The following ASAP3 variants were observed in gnomAD, a reference collection of about 807,000 sequenced individuals.
ASAP3 encodes ArfGAP with SH3 domain, ankyrin repeat and PH domain 3.
In ASAP3, 85 loss-of-function variants were observed where a neutral mutation model predicts 118.2. That is an observed-to-expected ratio of 0.72 (90% CI 0.60 to 0.86). The LOEUF (loss-of-function observed/expected upper bound fraction) is 0.86. ASAP3 is among the 40% of genes least tolerant of loss of function. The pLI, the probability that ASAP3 is intolerant of heterozygous loss-of-function variation, is 0.00. For missense variants in ASAP3, 1,026 were observed against 1,175.0 expected (o/e 0.87, Z 1.85); for synonymous variants, 432 against 477.4 (o/e 0.90, Z 1.24).
At chr1:23,484,378 C>T (rs1254215669), upstream of ASAP3, 2 of 307,146 alleles carry the variant, frequency 6.5e-6, no homozygotes, top group Non-Finnish European at 5.6e-6. Context: ...CCCCGCACCG[C>T]GTCAGGCCGC....
At chr1:23,448,021 A>G (rs1475885417) in intron 5 of ASAP3, among the ~76,000 whole-genome samples, 7 of 152,204 alleles carry the variant, frequency 4.6e-5, no homozygotes, top group Non-Finnish European at 1.0e-4. Context: ...TTCCTTCCCT[A>G]TCCTCAAAGG....
In ASAP3 at chr1:23,455,888, T is replaced by C. The variant is rs1195302448; in HGVS notation, c.341A>G (p.Lys114Arg). The C allele has an allele frequency of 6.2e-7, 1 of 1,614,162 alleles. No homozygotes were observed. Among genetic ancestry groups the C allele is most frequent in the Non-Finnish European group, 8.5e-7 (1 of 1,180,022 alleles). ...VFTREVAALF[K>R]NLIQNLNNIV... ...AAGAGACAGGGGCCTCACCAGGTTC[T>C]TGAAGAGCGCAGCAACCTCGCGGGT... Residue 114 changes from lysine to arginine, a missense_variant, in exon 3 of 25, where the codon AAG becomes AGG. By Grantham distance (26) the Lys-to-Arg change is conservative (BLOSUM62 2). Transcript: ENST00000336689.
intron 1 of ASAP3, among the ~76,000 whole-genome samples, chr1:23,461,650 G>C (rs1641589308): frequency 6.6e-6 from 1 of 150,398 alleles, no homozygotes; most frequent in Non-Finnish European, 1.5e-5. Context: ...AACAGAGCAA[G>C]ACCCTGTCTC....
chr1:23,429,631 G>C lies in ASAP3; in HGVS notation c.*225C>G, dbSNP rs560928763. On this transcript the variant is annotated 3_prime_UTR_variant, in exon 25 of 25. Transcript: ENST00000336689. ...GCCACAGGGCTCCCAGGCCCCTAGC[G>C]GGTAATGAGATAGGAAAGAACCGCC... is the stretch of plus-strand genomic sequence containing the variant. 1 of 455,752 alleles carries C rather than the reference G, an allele frequency of 2.2e-6. No homozygotes were observed. The highest frequency in any genetic ancestry group is 2.0e-5 in the African/African-American group (1 of 49,822). The allele number at this position is 455,752 out of a possible 1,614,324, so 28.2% of individuals were successfully genotyped here. A position where few individuals can be genotyped will look rare whatever the true frequency, so the allele number is the denominator to read the frequency against.
chr1:23,448,791 A>G (rs893876341), intron 5 of ASAP3, among the ~76,000 whole-genome samples: 2 of 152,162 alleles, frequency 1.3e-5, no homozygotes, highest in African/African-American at 4.8e-5. Flanking sequence ...TAGGCCCTTC[A>G]TATGTTAAAA....
chr1:23,445,802 G>T (rs1013805913), intron 5 of ASAP3, among the ~76,000 whole-genome samples: 2 of 151,734 alleles, frequency 1.3e-5, no homozygotes, highest in Non-Finnish European at 2.9e-5. Context: ...GCAAGACCCC[G>T]TTTCTACTTT....
intron 5 of ASAP3, among the ~76,000 whole-genome samples, chr1:23,449,339 A>C (rs1162712860): frequency 6.6e-6 from 1 of 152,176 alleles, no homozygotes; most frequent in East Asian, 1.9e-4. Context: ...ACAGATGAGG[A>C]AACAGACCTG....
At chr1:23,434,210 T>C (rs1029563851) in intron 19 of ASAP3, 44 bp downstream of exon 19, 16 of 1,579,166 alleles carry the variant, frequency 1.0e-5, no homozygotes, top group Non-Finnish European at 1.7e-6. Flanking sequence ...ACATAAGGGG[T>C]AGTCAGGAAT....
rs1640354291 is a variant in ASAP3, at chr1:23,429,694, G to A, written c.*162C>T. On this transcript the variant is annotated 3_prime_UTR_variant, in exon 25 of 25. Transcript: ENST00000336689. ...AGGGAAAGGCCATGTGTCCTTGGTA[G>A]AGGCATGGCCTGTGGCAGGAAGAAG... The A allele has an allele frequency of 1.5e-6, 1 of 652,284 alleles. No homozygotes were observed. The highest frequency in any genetic ancestry group is 2.6e-6 in the Non-Finnish European group (1 of 388,564). 40.4% of individuals were successfully genotyped at this position (652,284 alleles called of 1,614,324 possible).
At chr1:23,450,564 C>T (rs1641180903) in intron 5 of ASAP3, among the ~76,000 whole-genome samples, 1 of 142,160 alleles carries the variant, frequency 7.0e-6, no homozygotes. Context: ...CCCATCCAAC[C>T]TTTTTTTTTT....
intron 5 of ASAP3, among the ~76,000 whole-genome samples, chr1:23,445,940 C>A (rs1641033867): frequency 6.6e-6 from 1 of 151,996 alleles, no homozygotes; most frequent in Non-Finnish European, 1.5e-5. Flanking sequence ...CATGATTGCA[C>A]CACTGCACCC....
rs769790045 is a variant in ASAP3, at chr1:23,437,080, C to G, written c.1343-36G>C. The G allele has an allele frequency of 1.2e-6, 2 of 1,601,472 alleles. No homozygotes were observed. The highest frequency in any genetic ancestry group is 1.7e-6 in the Non-Finnish European group (2 of 1,173,886). On this transcript the variant is annotated intron_variant, in intron 14 of 24. Coordinates refer to ENST00000336689, the MANE Select transcript of ASAP3 (RefSeq NM_017707.4). The surrounding 1 kb of genome is among the most constrained non-coding windows in gnomAD (Gnocchi z 6.1). ...AAGCAGCTGGAGCCTGGAGGTGCAG[C>G]CCCTCCCCTCCACTTAAGCCTCCCT...
intron 3 of ASAP3, among the ~76,000 whole-genome samples, chr1:23,455,501 A>C (rs967646787): frequency 1.1e-4 from 17 of 152,072 alleles, no homozygotes; most frequent in Non-Finnish European, 1.6e-4. Context: ...GGAGAGGAGG[A>C]GGCGGTGGCA....
At position 23,436,485 on chromosome 1, in the gene ASAP3, CTT is replaced by C; in HGVS notation, c.1571+73_1571+74del. 2 of 1,544,606 alleles carry C rather than the reference CTT, an allele frequency of 1.3e-6. No homozygotes were observed. The highest frequency in any genetic ancestry group is 2.2e-5 in the East Asian group (1 of 44,450). On this transcript the variant is annotated intron_variant, in intron 16 of 24. Coordinates refer to ENST00000336689, the MANE Select transcript of ASAP3 (RefSeq NM_017707.4). The surrounding 1 kb of genome is among the most constrained non-coding windows in gnomAD (Gnocchi z 4.2). ...GCCTCCCCAGACTTCTGATCCAAGA[CTT>C]TTCTACGACCCTGGACACTGCGGAG... is the stretch of plus-strand genomic sequence containing the variant.
chr1:23,432,874 T>C (rs1640488074), intron 22 of ASAP3, among the ~76,000 whole-genome samples: 2 of 152,204 alleles, frequency 1.3e-5, no homozygotes, highest in Non-Finnish European at 2.9e-5. Context: ...GAATCCTACA[T>C]CAGAGACTTA....
In ASAP3 at chr1:23,433,222, C is replaced by T. The variant is rs1277316749; in HGVS notation, c.2178G>A (p.Leu726=). The change falls in exon 22 of 25, where the codon CTG becomes CTA. Residue 726 remains leucine, a synonymous_variant. Coordinates refer to ENST00000336689, the MANE Select transcript of ASAP3 (RefSeq NM_017707.4). Reference sequence around the variant, plus strand: ...TCTCATAGGTCTTGTTGCTGATGTCCAGCCTCCCACTGGCCCAGTGAGCCT... The same window carrying T: ...TCTCATAGGTCTTGTTGCTGATGTCTAGCCTCCCACTGGCCCAGTGAGCCT... ...PAQAHWASGR[L]DISNKTYETV... The T allele has an allele frequency of 5.0e-6, 8 of 1,613,200 alleles. No individual in the cohort carries two copies. Among genetic ancestry groups the T allele is most frequent in the Non-Finnish European group, 6.8e-6 (8 of 1,179,450 alleles).
rs1012385676 is a variant in ASAP3 at position 23,484,072 on chromosome 1, G to A, written c.62C>T (p.Pro21Leu). Residue 21 changes from proline to leucine, a missense_variant, in exon 1 of 25, where the codon CCG becomes CTG. Physicochemically the swap from Pro to Leu is moderately conservative, Grantham distance 98. Coordinates refer to ENST00000336689, the MANE Select transcript of ASAP3 (RefSeq NM_017707.4). ...GGCGGCGAAGGCGGCGGCCCCAGCC[G>A]GGGAGCTGAGGTCCTCCGCGGTGAC... ...LAVTAEDLSS[P>L]AGAAAFAAKM... 3.0e-6 allele frequency: 4 copies of A among 1,349,192 alleles called. No individual in the cohort carries two copies. Among genetic ancestry groups the A allele is most frequent in the Admixed American group, 3.5e-5 (1 of 28,974 alleles). 83.6% of individuals were successfully genotyped at this position (1,349,192 alleles called of 1,614,324 possible).
intron 22 of ASAP3, 29 bp downstream of exon 22, chr1:23,433,048 T>C (rs757680264): frequency 6.2e-7 from 1 of 1,612,118 alleles, no homozygotes; most frequent in South Asian, 1.1e-5. Flanking sequence ...AATGGCATGG[T>C]GAGCATTTAT....
intron 1 of ASAP3, among the ~76,000 whole-genome samples, chr1:23,467,951 CAAAAA>C (rs573411297): frequency 3.8e-5 from 2 of 52,460 alleles, no homozygotes; most frequent in Non-Finnish European, 3.8e-5. Context: ...GACTCCGTCT[CAAAAA>C]AAAAAAAAAA....
Sources: gnomAD v4.1 joint callset for allele counts (sites outside exome capture counted in the v4.1 genomes callset) on GRCh38, gnomAD v4.1.1 for gene constraint, Gnocchi (gnomAD v3.1) non-coding constraint, MANE v1.5 for transcripts, NCBI Gene and HGNC (gene_info 2026-07-23, HGNC 2026-07-21) for gene names.